Variants in SMG1 observed in about 807,000 individuals in gnomAD.
SMG1 encodes the protein serine/threonine-protein kinase SMG1.
A neutral mutation model predicts 419.9 loss-of-function variants in SMG1; 22 were observed. The ratio of observed to expected loss-of-function variants is 0.05; its 90% CI spans 0.04 to 0.07. The LOEUF (loss-of-function observed/expected upper bound fraction) is 0.07, where lower values mean the gene tolerates loss of function less well. Ranked by LOEUF, SMG1 falls within the 10% of genes least tolerant of loss-of-function variation. SMG1 has a pLI of 1.00. For missense variants in SMG1, 3,185 were observed against 4,342.0 expected (o/e 0.73, Z 7.49); for synonymous variants, 1,538 against 1,553.5 (o/e 0.99, Z 0.23).
intron 6 of SMG1, among the ~76,000 whole-genome samples, 156 bp downstream of exon 6, chr16:18,889,216 A>G (rs992033185): frequency 2.0e-5 from 3 of 151,604 alleles, no homozygotes; most frequent in African/African-American, 4.9e-5. Context: ...TGTATCCTTT[A>G]CTCAAACTGA....
Position 18,805,023 on chromosome 16 carries a change from C to G in SMG1, c.*4546G>C, listed in dbSNP as rs1461015212. 3 of 152,614 alleles carry G rather than the reference C, an allele frequency of 2.0e-5. No individual in the cohort carries two copies. In the East Asian group the frequency reaches 5.8e-4, roughly 29 times the overall value. 9.5% of individuals were successfully genotyped at this position (152,614 alleles called of 1,614,324 possible). On this transcript the variant is annotated 3_prime_UTR_variant, in exon 63 of 63. Coordinates refer to ENST00000446231, the MANE Select transcript of SMG1 (RefSeq NM_015092.5). ...GATTTATTCAACTTTTAAATACAAT[C>G]ACAAAATTATATCCATCAGGAGGCA...
chr16:18,841,541 C>T lies in SMG1; in HGVS notation c.6696+24G>A, dbSNP rs2033927557. ...CATAATAACAGAGAATAGACTAATACACTGTGTAGATGATTTAATCAACCT... is the reference window on the plus strand; with the variant it reads ...CATAATAACAGAGAATAGACTAATATACTGTGTAGATGATTTAATCAACCT... On this transcript the variant is annotated intron_variant, in intron 41 of 62. Transcript: ENST00000446231. The T allele has an allele frequency of 1.9e-6, 3 of 1,594,782 alleles. No homozygotes were observed. In the African/African-American group the frequency reaches 4.0e-5, roughly 21 times the overall value.
Position 18,834,259 on chromosome 16 carries a change from G to A in SMG1, c.8510C>T (p.Pro2837Leu). 1 of 1,610,056 alleles carries A rather than the reference G, an allele frequency of 6.2e-7. No homozygotes were observed. Among genetic ancestry groups the A allele is most frequent in the Non-Finnish European group, 8.5e-7 (1 of 1,178,178 alleles). ...GTGAACTGTCTCAGACGCTTCCATGGGGTTCGGGATATCTAAGTCCTGTGG... is the reference window on the plus strand; with the variant it reads ...GTGAACTGTCTCAGACGCTTCCATGAGGTTCGGGATATCTAAGTCCTGTGG... ...LVPQDLDIPN[P>L]MEASETVHLA... Residue 2837 changes from proline (P) to leucine (L), a missense_variant, in exon 50 of 63, where the codon CCC (proline) becomes CTC (leucine). Pro to Leu is a moderately conservative substitution (Grantham distance 98). Around this residue, in one of 27 missense-constraint regions of SMG1, gnomAD observed 412 missense variants for 546.6 expected, o/e 0.75. Transcript: ENST00000446231.
chr16:18,882,944 A>C (rs2036463387), intron 9 of SMG1, among the ~76,000 whole-genome samples: 1 of 152,258 alleles, frequency 6.6e-6, no homozygotes, highest in Non-Finnish European at 1.5e-5. Context: ...GCATCTCTAC[A>C]AACTAGAATG....
At chr16:18,925,580 T>C (rs574215613) in intron 1 of SMG1, 1 of 219,180 alleles carries the variant, frequency 4.6e-6, no homozygotes, top group East Asian at 1.0e-4. Flanking sequence ...AGTGAATGAG[T>C]AACAGGGAGG....
chr16:18,849,845 T>TC (rs1185134328), intron 35 of SMG1, 104 bp downstream of exon 35: 26 of 1,131,278 alleles, frequency 2.3e-5, no homozygotes, highest in Non-Finnish European at 2.9e-5. Flanking sequence ...ATCTGGCTAT[T>TC]CTTTTTACAC....
chr16:18,868,985 A>T (rs2035667616), intron 20 of SMG1, 119 bp downstream of exon 20: 1 of 885,282 alleles, frequency 1.1e-6, no homozygotes, highest in African/African-American at 1.7e-5. Context: ...CATACCTGAA[A>T]ATTATTGACT....
chr16:18,834,802 G>T (rs1414579664), intron 49 of SMG1, 90 bp downstream of exon 49: 2 of 1,381,350 alleles, frequency 1.4e-6, no homozygotes, highest in Non-Finnish European at 1.0e-6. Flanking sequence ...TGTAACACTT[G>T]GCAAGACTAA....
chr16:18,885,017 A>C (rs994765399), intron 8 of SMG1, 73 bp downstream of exon 8: 1 of 650,362 alleles, frequency 1.5e-6, no homozygotes, highest in Non-Finnish European at 2.7e-6. Context: ...AATGGTATTG[A>C]TAGATGGTCA....
In SMG1 at chr16:18,829,615, G is replaced by C; in HGVS notation, c.9274C>G (p.Gln3092Glu). 1 of 1,613,964 alleles carries C rather than the reference G, an allele frequency of 6.2e-7. No individual in the cohort carries two copies. Residue 3092 changes from glutamine (Q) to glutamate (E), a missense_variant, in exon 54 of 63, where the codon CAG (glutamine) becomes GAG (glutamate). By Grantham distance (29) the Gln-to-Glu change is conservative (BLOSUM62 2). This residue lies in a region of SMG1 where 737 missense variants were observed against 846.6 expected (regional missense o/e 0.87). Transcript: ENST00000446231. The part of the protein sequence containing the change: ...IKAFTADFVR[Q>E]LLIGLPNQAL... ...TGGTTGGGTAGCCCTATCAAGAGCT[G>C]CCTCACAAAGTCAGCTGTGAATGCC...
At chr16:18,879,288 G>T (rs2036280996) in intron 11 of SMG1, 1 of 548,582 alleles carries the variant, frequency 1.8e-6, no homozygotes, top group Non-Finnish European at 3.3e-6. Flanking sequence ...GCTAATTTTT[G>T]ACTTTTTGTA....
At chr16:18,923,627 TC>T (rs1407956683) in intron 1 of SMG1, among the ~76,000 whole-genome samples, 4 of 146,162 alleles carry the variant, frequency 2.7e-5, no homozygotes, top group African/African-American at 5.2e-5. Flanking sequence ...AGAGCAAGAC[TC>T]CATCTCAGGA....
At position 18,837,997 on chromosome 16, in the gene SMG1, C is replaced by T; in HGVS notation, c.7413+17G>A. On this transcript the variant is annotated intron_variant, in intron 45 of 62. Coordinates refer to ENST00000446231, the MANE Select transcript of SMG1 (RefSeq NM_015092.5). ...AATAAAAAGAAGACAATGACTTATT[C>T]CGTCACTGGGCTTCACCTTAATCTC... 1 of 1,611,060 alleles carries T rather than the reference C, an allele frequency of 6.2e-7. No individual in the cohort carries two copies. Among genetic ancestry groups the T allele is most frequent in the Non-Finnish European group, 8.5e-7 (1 of 1,177,976 alleles).
intron 7 of SMG1, 30 bp downstream of exon 7, chr16:18,885,511 A>G (rs1451434434): frequency 6.3e-7 from 1 of 1,595,674 alleles, no homozygotes; most frequent in Non-Finnish European, 8.5e-7. Context: ...CCCTCACCCC[A>G]TGATCTGAAA....
chr16:18,853,880 A>G lies in SMG1; in HGVS notation c.4484-13T>C. On this transcript the variant is annotated splice_polypyrimidine_tract_variant and intron_variant, in intron 30 of 62. Transcript: ENST00000446231. ...TGTGTTGACTGGCCTACAGAAAACC[A>G]CAAAGTCAGAACTTAGAACCTTTAA... The G allele has an allele frequency of 6.3e-7, 1 of 1,596,768 alleles. No homozygotes were observed. Among genetic ancestry groups the G allele is most frequent in the Non-Finnish European group, 8.5e-7 (1 of 1,170,140 alleles).
intron 22 of SMG1, among the ~76,000 whole-genome samples, 191 bp downstream of exon 22, chr16:18,867,999 C>A (rs1224254851): frequency 6.6e-6 from 1 of 152,108 alleles, no homozygotes; most frequent in Non-Finnish European, 1.5e-5. Flanking sequence ...TGAGCCACCG[C>A]GCCCGGCCTA....
At chr16:18,879,271 A>G in intron 11 of SMG1, 1 of 523,698 alleles carries the variant, frequency 1.9e-6, no homozygotes, top group Non-Finnish European at 3.5e-6. Flanking sequence ...GCACGCCACT[A>G]CACCAAGCTA....
chr16:18,926,146 G>C lies in SMG1; in HGVS notation c.-105C>G. ...CCCCGCTCCGGCCCGGGGCTGAGGA[G>C]GAAGCCGAGAAGGAGGAGGAGGAGG... On this transcript the variant is annotated 5_prime_UTR_variant, in exon 1 of 63. Transcript: ENST00000446231. 1 of 1,055,500 alleles carries C rather than the reference G, an allele frequency of 9.5e-7. No homozygotes were observed. Among genetic ancestry groups the C allele is most frequent in the Non-Finnish European group, 1.3e-6 (1 of 759,274 alleles). The allele number at this position is 1,055,500 out of a possible 1,614,324, so 65.4% of individuals were successfully genotyped here.
At chr16:18,925,896 C>G in intron 1 of SMG1, 54 bp downstream of exon 1, 1 of 1,407,672 alleles carries the variant, frequency 7.1e-7, no homozygotes, top group Non-Finnish European at 9.5e-7. Flanking sequence ...AGGCCTCGGC[C>G]CGCCCGAGGC....
Sources: allele counts gnomAD v4.1 joint callset (sites outside exome capture counted in the v4.1 genomes callset), GRCh38; gene constraint gnomAD v4.1.1; regional missense constraint gnomAD v4.1.1; transcripts MANE v1.5; gene names NCBI Gene and HGNC (gene_info 2026-07-23, HGNC 2026-07-21).